PRDM10: variants seen among roughly 807,000 people sequenced by gnomAD.
PRDM10 encodes PR/SET domain 10.
Under a neutral mutation model 133.1 loss-of-function variants are expected in PRDM10, and 65 were observed. The ratio of observed to expected loss-of-function variants is 0.49; its 90% CI spans 0.40 to 0.60. The LOEUF (loss-of-function observed/expected upper bound fraction) is 0.60, where lower values mean the gene tolerates loss of function less well. Among genes scored for constraint, PRDM10 ranks in the 20% least tolerant of loss-of-function variants. The probability of loss-of-function intolerance (pLI) is 0.00; values close to 1 mark genes in which losing one functional copy is unlikely to be tolerated. For synonymous variants in PRDM10, 582 were observed against 580.4 expected (o/e 1.00, Z -0.04); for missense variants, 1,137 against 1,507.1 (o/e 0.75, Z 4.07).
chr11:129,946,600 G>C (rs12806093), intron 5 of PRDM10, among the ~76,000 whole-genome samples: 29,924 of 152,142 alleles, frequency 0.2, 4,180 homozygotes, highest in East Asian at 0.48. Context: ...CGAGGGGCCA[G>C]ACTGCCTGAA....
intron 15 of PRDM10, 149 bp downstream of exon 15, chr11:129,916,978 C>A: frequency 5.8e-6 from 3 of 517,014 alleles, no homozygotes; most frequent in Non-Finnish European, 9.8e-6. Flanking sequence ...TATTTCTAGT[C>A]CTTTCTTGTC....
chr11:129,943,189 G>C (rs7944340), intron 6 of PRDM10, among the ~76,000 whole-genome samples: 1 of 151,980 alleles, frequency 6.6e-6, no homozygotes, highest in Admixed American at 6.6e-5. Context: ...AGAGGGCTGG[G>C]CAGAAACAAA....
In PRDM10 at chr11:129,910,863, G is replaced by A. The variant is rs544879636; in HGVS notation, c.2983-207C>T. ...ATGATCTCGGCTCACCGCAACCTCCGCCTCCTGAGTTCAAGTGATTCTCCT... is the reference window on the plus strand; with the variant it reads ...ATGATCTCGGCTCACCGCAACCTCCACCTCCTGAGTTCAAGTGATTCTCCT... On this transcript the variant is annotated intron_variant, in intron 18 of 20. Coordinates refer to ENST00000360871, the MANE Select transcript of PRDM10 (RefSeq NM_199437.2). Among the ~76,000 whole-genome samples the A allele has an allele frequency of 7.9e-5, 12 of 151,908 alleles. No individual in the cohort carries two copies. In the South Asian group the frequency reaches 1.0e-3, roughly 13 times the overall value.
intron 1 of PRDM10, among the ~76,000 whole-genome samples, chr11:129,977,233 GAGC>G (rs1325924463): frequency 6.7e-6 from 1 of 148,766 alleles, no homozygotes; most frequent in African/African-American, 2.5e-5. Context: ...CTAGAAATTG[GAGC>G]AGAATAACAT....
At chr11:129,937,321 G>T (rs1951064971) in intron 8 of PRDM10, among the ~76,000 whole-genome samples, 1 of 152,192 alleles carries the variant, frequency 6.6e-6, no homozygotes, top group African/African-American at 2.4e-5. Flanking sequence ...CCTCAGAGAT[G>T]ATAAAATCTG....
chr11:129,905,771 T>C, intron 19 of PRDM10, 30 bp from the exon 20 acceptor site: 1 of 1,582,390 alleles, frequency 6.3e-7, no homozygotes, highest in Non-Finnish European at 8.7e-7. Flanking sequence ...CATAGTTCAG[T>C]GGTCTCAGAT....
chr11:129,923,621 A>C lies in PRDM10; in HGVS notation c.1879-218T>G, dbSNP rs2135781318. On this transcript the variant is annotated intron_variant, in intron 12 of 20. Transcript: ENST00000360871. The surrounding 1 kb of genome is among the most constrained non-coding windows in gnomAD (Gnocchi z 4.4). ...TAGCCAGAAAGCCTTAGAAATCCGA[A>C]CCTCCCCGATGACTTGAAACGTGAG... Among the ~76,000 whole-genome samples, 1 of 133,022 alleles carries C rather than the reference A, an allele frequency of 7.5e-6. No homozygotes were observed. The highest frequency in any genetic ancestry group is 4.3e-3 in the Middle Eastern group (1 of 234). 87.3% of individuals were successfully genotyped at this position (133,022 alleles called of 152,430 possible).
intron 1 of PRDM10, among the ~76,000 whole-genome samples, chr11:129,990,186 A>C (rs1412493460): frequency 3.3e-5 from 5 of 152,036 alleles, no homozygotes; most frequent in Non-Finnish European, 7.4e-5. Flanking sequence ...TCTACTAAAA[A>C]TCCAAAAAAT....
chr11:129,972,174 C>T (rs1206924031), intron 1 of PRDM10, among the ~76,000 whole-genome samples: 2 of 152,336 alleles, frequency 1.3e-5, no homozygotes, highest in Admixed American at 6.5e-5. Flanking sequence ...AAGCGCCGCG[C>T]GCAGCCCCGG....
At chr11:129,956,089 C>T (rs550342949) in intron 3 of PRDM10, among the ~76,000 whole-genome samples, 2 of 152,062 alleles carry the variant, frequency 1.3e-5, no homozygotes, top group African/African-American at 4.8e-5. Context: ...CTTAATGTTC[C>T]ATGAGTTCTT....
intron 18 of PRDM10, among the ~76,000 whole-genome samples, chr11:129,911,732 C>T (rs1950192382): frequency 6.6e-6 from 1 of 152,186 alleles, no homozygotes; most frequent in Non-Finnish European, 1.5e-5. Flanking sequence ...ATCTCAATTC[C>T]AGACTCAAGC....
chr11:129,979,568 T>A (rs1937987190), intron 1 of PRDM10, among the ~76,000 whole-genome samples: 1 of 152,184 alleles, frequency 6.6e-6, no homozygotes, highest in Non-Finnish European at 1.5e-5. Context: ...TCTACTCCAG[T>A]TCCTGTCTCC....
chr11:129,917,417 A>G (rs1342506818), intron 14 of PRDM10, among the ~76,000 whole-genome samples, 180 bp from the exon 15 acceptor site: 1 of 152,230 alleles, frequency 6.6e-6, no homozygotes, highest in African/African-American at 2.4e-5. Flanking sequence ...AAGCACTCAC[A>G]GTCATGGTTA....
rs1950565444 is a variant in PRDM10 at position 129,923,185 on chromosome 11, C to T, written c.2034+63G>A. ...ACTGATGAAATGAACAGGCATTTAC[C>T]CTCAGCTTGCTATAATTCCAGTGGC... On this transcript the variant is annotated intron_variant, in intron 13 of 20. Coordinates refer to ENST00000360871, the MANE Select transcript of PRDM10 (RefSeq NM_199437.2). The surrounding 1 kb of genome is among the most constrained non-coding windows in gnomAD (Gnocchi z 4.4). 1 of 1,479,600 alleles carries T rather than the reference C, an allele frequency of 6.8e-7. No individual in the cohort carries two copies. Among genetic ancestry groups the T allele is most frequent in the Non-Finnish European group, 9.0e-7 (1 of 1,107,456 alleles). The allele number at this position is 1,479,600 out of a possible 1,614,324, so 91.7% of individuals were successfully genotyped here.
intron 2 of PRDM10, 80 bp from the exon 3 acceptor site, chr11:129,957,990 A>AT: frequency 4.1e-6 from 6 of 1,458,214 alleles, no homozygotes; most frequent in Non-Finnish European, 5.6e-6. Flanking sequence ...TTTCTAAAAG[A>AT]TCCCCAATGA....
At chr11:129,958,258 T>C (rs552009695) in intron 2 of PRDM10, among the ~76,000 whole-genome samples, 11 of 152,254 alleles carry the variant, frequency 7.2e-5, no homozygotes, top group African/African-American at 2.2e-4. Context: ...TGTGAAAAAA[T>C]ACGTCAAGAC....
intron 2 of PRDM10, among the ~76,000 whole-genome samples, chr11:129,959,993 T>G (rs1951767198): frequency 6.6e-6 from 1 of 151,708 alleles, no homozygotes; most frequent in African/African-American, 2.4e-5. Context: ...ACTCCTGGAC[T>G]GAATCGAGCC....
intron 19 of PRDM10, among the ~76,000 whole-genome samples, 179 bp downstream of exon 19, chr11:129,910,297 T>C (rs1260058051): frequency 6.6e-6 from 1 of 152,222 alleles, no homozygotes; most frequent in East Asian, 1.9e-4. Context: ...AGGGTAGCTC[T>C]GTGAAAGCGG....
chr11:129,942,051 A>G (rs1951225971), intron 7 of PRDM10, among the ~76,000 whole-genome samples: 1 of 152,130 alleles, frequency 6.6e-6, no homozygotes. Flanking sequence ...ACCCGCCACC[A>G]TGCTCGGCTA....
Sources: gnomAD v4.1 joint callset for allele counts (sites outside exome capture counted in the v4.1 genomes callset) on GRCh38, gnomAD v4.1.1 for gene constraint, Gnocchi (gnomAD v3.1) non-coding constraint, MANE v1.5 for transcripts, NCBI Gene and HGNC (gene_info 2026-07-23, HGNC 2026-07-21) for gene names.